Variants in PAIP2B observed in about 807,000 individuals in gnomAD.
The protein encoded by PAIP2B is polyadenylate-binding protein-interacting protein 2B.
In PAIP2B, 13 loss-of-function variants were observed where a neutral mutation model predicts 17.0. The ratio of observed to expected loss-of-function variants is 0.76; its 90% CI spans 0.50 to 1.22. The LOEUF (loss-of-function observed/expected upper bound fraction) is 1.22, where lower values mean the gene tolerates loss of function less well. PAIP2B is among the 50% of genes most tolerant of loss of function. PAIP2B has a pLI of 0.00. For synonymous variants in PAIP2B, 43 were observed against 48.7 expected (o/e 0.88, Z 0.48); for missense variants, 117 against 144.5 (o/e 0.81, Z 0.98).
intron 1 of PAIP2B, among the ~76,000 whole-genome samples, chr2:71,206,468 G>GCA: frequency 6.6e-6 from 1 of 152,168 alleles, no homozygotes; most frequent in African/African-American, 2.4e-5. Flanking sequence ...GTCAATACAG[G>GCA]GGTGCTAAGG....
chr2:71,225,937 T>C (rs1675710690), intron 1 of PAIP2B, among the ~76,000 whole-genome samples: 1 of 152,222 alleles, frequency 6.6e-6, no homozygotes, highest in Non-Finnish European at 1.5e-5. Flanking sequence ...ATGTTCTATA[T>C]TTTATGACAA....
intron 1 of PAIP2B, among the ~76,000 whole-genome samples, chr2:71,225,883 A>G (rs1675709151): frequency 6.6e-6 from 1 of 152,206 alleles, no homozygotes; most frequent in African/African-American, 2.4e-5. Context: ...TTATCCCTTC[A>G]TAGGTTGGGT....
In PAIP2B at chr2:71,189,944, C is replaced by A. The variant is rs1158130105; in HGVS notation, c.216G>T (p.Trp72Cys). Reference sequence around the variant, plus strand: ...GAGGCAGGTCTCGTGAGGGAATAAACCAGTCTTGGTCTTCTTCATCCAGCA... The same window carrying A: ...GAGGCAGGTCTCGTGAGGGAATAAAACAGTCTTGGTCTTCTTCATCCAGCA... The part of the protein sequence containing the change: ...QEMLDEEDQD[W>C]FIPSRDLPQA... Residue 72 changes from tryptophan to cysteine, a missense_variant, in exon 3 of 4, where the codon TGG becomes TGT. Trp to Cys is a radical substitution (Grantham distance 215). Transcript: ENST00000244221. The A allele has an allele frequency of 6.2e-7, 1 of 1,609,568 alleles. No homozygotes were observed. Among genetic ancestry groups the A allele is most frequent in the Non-Finnish European group, 8.5e-7 (1 of 1,178,080 alleles).
rs1674583765 is a variant in PAIP2B at position 71,187,974 on chromosome 2, G to C, written c.*505C>G. On this transcript the variant is annotated 3_prime_UTR_variant, in exon 4 of 4. Coordinates refer to ENST00000244221, the MANE Select transcript of PAIP2B (RefSeq NM_020459.1). ...CATTGGTTATCCGAGTTCATTGCAG[G>C]AGACCCCGGGGGTGGGGCAGCTGAG... 1 of 156,118 alleles carries C rather than the reference G, an allele frequency of 6.4e-6. No homozygotes were observed. Among genetic ancestry groups the C allele is most frequent in the Non-Finnish European group, 1.4e-5 (1 of 70,128 alleles). The allele number at this position is 156,118 out of a possible 1,614,324, so 9.7% of individuals were successfully genotyped here. A position where few individuals can be genotyped will look rare whatever the true frequency, so the allele number is the denominator to read the frequency against.
chr2:71,209,241 G>A (rs898782672), intron 1 of PAIP2B, among the ~76,000 whole-genome samples: 2 of 152,124 alleles, frequency 1.3e-5, no homozygotes, highest in African/African-American at 4.8e-5. Context: ...CAAGGGAAGA[G>A]GCAGGAACAG....
chr2:71,227,036 C>A lies in PAIP2B; in HGVS notation c.-120G>T, dbSNP rs1406119744. ...GCCACAACAGTCTCGGCCTTTAGTA[C>A]CAAAACGTGAAGCACAGCACCCGAG... On this transcript the variant is annotated 5_prime_UTR_variant, in exon 1 of 4. Coordinates refer to ENST00000244221, the MANE Select transcript of PAIP2B (RefSeq NM_020459.1). The A allele has an allele frequency of 1.3e-5, 2 of 153,180 alleles. No individual in the cohort carries two copies. The highest frequency in any genetic ancestry group is 3.9e-4 in the East Asian group (2 of 5,186). The allele number at this position is 153,180 out of a possible 1,614,324, so 9.5% of individuals were successfully genotyped here.
At position 71,188,303 on chromosome 2, in the gene PAIP2B, G is replaced by A. The variant is rs1674594586; in HGVS notation, c.*176C>T. Reference sequence around the variant, plus strand: ...GCAGAACAAAATAGAAATACTCAGAGGCTTAGAATAAGACTGAGCATATTA... The same window carrying A: ...GCAGAACAAAATAGAAATACTCAGAAGCTTAGAATAAGACTGAGCATATTA... On this transcript the variant is annotated 3_prime_UTR_variant, in exon 4 of 4. Transcript: ENST00000244221. The A allele has an allele frequency of 3.5e-6, 2 of 576,492 alleles. No individual in the cohort carries two copies. Among genetic ancestry groups the A allele is most frequent in the South Asian group, 2.4e-5 (1 of 41,634 alleles). The allele number at this position is 576,492 out of a possible 1,614,324, so 35.7% of individuals were successfully genotyped here. A position where few individuals can be genotyped will look rare whatever the true frequency, so the allele number is the denominator to read the frequency against.
rs183058970 is a variant in PAIP2B, at chr2:71,223,388, G to A, written c.-12+3540C>T. ...ATCGTGCCATTGCACTCCAGCCTGG[G>A]TGACAAGAGCGAAACTCCATCTCAA... On this transcript the variant is annotated intron_variant, in intron 1 of 3. Transcript: ENST00000244221. Among the ~76,000 whole-genome samples the A allele has an allele frequency of 4.0e-3, 613 of 151,936 alleles. 6 individuals carry two copies. The highest frequency in any genetic ancestry group is 0.014 in the African/African-American group (583 of 41,468).
In PAIP2B at chr2:71,185,733, G is replaced by GC. The variant is rs1674521257; in HGVS notation, c.*2745_*2746insG. ...TGTCAGAAACTGGCCCAAAGACCCA[G>GC]GGCTGCATTTGCCCAGGCCTAGGCT... On this transcript the variant is annotated 3_prime_UTR_variant, in exon 4 of 4. Transcript: ENST00000244221. The GC allele has an allele frequency of 6.9e-6, 1 of 145,712 alleles. No homozygotes were observed. The highest frequency in any genetic ancestry group is 2.8e-5 in the African/African-American group (1 of 35,382). 9.0% of individuals were successfully genotyped at this position (145,712 alleles called of 1,614,324 possible). A position where few individuals can be genotyped will look rare whatever the true frequency, so the allele number is the denominator to read the frequency against.
intron 1 of PAIP2B, among the ~76,000 whole-genome samples, chr2:71,216,203 T>G (rs972258495): frequency 6.6e-6 from 1 of 152,166 alleles, no homozygotes; most frequent in South Asian, 2.1e-4. Context: ...TAATAAGCAC[T>G]CAAAGCTCTT....
chr2:71,212,571 C>T (rs1474063639), intron 1 of PAIP2B, among the ~76,000 whole-genome samples: 1 of 152,208 alleles, frequency 6.6e-6, no homozygotes, highest in African/African-American at 2.4e-5. Context: ...GACAGCACTA[C>T]TCTGGAATCT....
rs1451890532 is a variant in PAIP2B, at chr2:71,189,875, G to A, written c.285C>T (p.Val95=). The A allele has an allele frequency of 1.9e-6, 3 of 1,560,722 alleles. No individual in the cohort carries two copies. The highest frequency in any genetic ancestry group is 3.9e-5 in the Admixed American group (2 of 51,694). Residue 95 remains valine, a synonymous_variant, in exon 3 of 4, where the codon GTC becomes GTT. Transcript: ENST00000244221. ...QLQQQLNGLS[V]SEGHDSEDIL... ...TATCTTCAGAATCATGACCTTCACT[G>A]ACTGACAGTCCATTTAACTGCTGTT...
At chr2:71,214,184 T>TGCTTAA (rs1322092585) in intron 1 of PAIP2B, among the ~76,000 whole-genome samples, 1 of 152,186 alleles carries the variant, frequency 6.6e-6, no homozygotes, top group Non-Finnish European at 1.5e-5. Flanking sequence ...CTAGAATTAG[T>TGCTTAA]GCTTAAGCTT....
intron 1 of PAIP2B, among the ~76,000 whole-genome samples, chr2:71,204,466 A>AT (rs1364763549): frequency 1.3e-5 from 2 of 152,092 alleles, no homozygotes; most frequent in Non-Finnish European, 2.9e-5. Context: ...GATATTAGAA[A>AT]TGTAATATTC....
At chr2:71,216,471 T>A (rs1675432614) in intron 1 of PAIP2B, among the ~76,000 whole-genome samples, 1 of 152,210 alleles carries the variant, frequency 6.6e-6, no homozygotes, top group Non-Finnish European at 1.5e-5. Flanking sequence ...CACACTAGGC[T>A]GGGATCAAGG....
chr2:71,188,575 C>A, intron 3 of PAIP2B, 40 bp from the exon 4 acceptor site: 4 of 1,545,720 alleles, frequency 2.6e-6, no homozygotes, highest in Non-Finnish European at 3.5e-6. Context: ...CTAAGGCAAG[C>A]TGCATTTTAA....
chr2:71,195,909 C>A (rs1221170051), intron 2 of PAIP2B, among the ~76,000 whole-genome samples: 1 of 152,088 alleles, frequency 6.6e-6, no homozygotes, highest in Non-Finnish European at 1.5e-5. Flanking sequence ...AGTGCTGGGA[C>A]TATAGGCATG....
chr2:71,196,039 T>C (rs1190674767), intron 2 of PAIP2B, among the ~76,000 whole-genome samples: 3 of 152,172 alleles, frequency 2.0e-5, no homozygotes, highest in Non-Finnish European at 4.4e-5. Context: ...ATTTTTGTTA[T>C]TTCTCGTCTT....
chr2:71,201,008 G>C (rs67388369), intron 2 of PAIP2B, among the ~76,000 whole-genome samples: 1 of 32,310 alleles, frequency 3.1e-5, no homozygotes, highest in Non-Finnish European at 8.5e-5. Flanking sequence ...TGTGTGTGTG[G>C]GTGTGTGTGT....
Sources: allele counts gnomAD v4.1 joint callset (sites outside exome capture counted in the v4.1 genomes callset), GRCh38; gene constraint gnomAD v4.1.1; transcripts MANE v1.5; gene names NCBI Gene and HGNC (gene_info 2026-07-23, HGNC 2026-07-21).